MGRN1: variants seen among roughly 807,000 people sequenced by gnomAD.
MGRN1 encodes mahogunin ring finger 1.
A neutral mutation model predicts 69.2 loss-of-function variants in MGRN1; 29 were observed. The ratio of observed to expected loss-of-function variants is 0.42; its 90% CI spans 0.31 to 0.57. MGRN1 has a LOEUF of 0.57. Among genes scored for constraint, MGRN1 ranks in the 20% least tolerant of loss-of-function variants. The probability of loss-of-function intolerance (pLI) is 0.15; values close to 1 mark genes in which losing one functional copy is unlikely to be tolerated. For synonymous variants in MGRN1, 470 were observed against 344.2 expected (o/e 1.37, Z -4.04); for missense variants, 998 against 796.2 (o/e 1.25, Z -3.05).
At chr16:4,683,087 A>G in intron 14 of MGRN1, 137 bp from the exon 15 acceptor site, 8 of 1,501,022 alleles carry the variant, frequency 5.3e-6, no homozygotes, top group Non-Finnish European at 7.2e-6. Flanking sequence ...GCGGCTCCTT[A>G]GCCTCGGTCT....
intron 7 of MGRN1, among the ~76,000 whole-genome samples, chr16:4,666,528 C>T (rs765221944): frequency 2.6e-5 from 4 of 152,216 alleles, no homozygotes; most frequent in South Asian, 2.1e-4. Flanking sequence ...TGCCATGCCA[C>T]GGGCTGGGGC....
intron 10 of MGRN1, among the ~76,000 whole-genome samples, chr16:4,674,606 T>C (rs1040852321): frequency 2.9e-4 from 39 of 133,580 alleles, no homozygotes; most frequent in African/African-American, 8.0e-4. Context: ...CTTTTCTTTT[T>C]TTTTCTTTTC....
At chr16:4,652,360 GC>G (rs879654986) in intron 3 of MGRN1, among the ~76,000 whole-genome samples, 1 of 151,944 alleles carries the variant, frequency 6.6e-6, no homozygotes, top group Non-Finnish European at 1.5e-5. Flanking sequence ...GCACAGGACG[GC>G]CCCCCCACAG....
At chr16:4,652,217 T>C (rs1483395037) in intron 3 of MGRN1, among the ~76,000 whole-genome samples, 166 bp downstream of exon 3, 1 of 152,068 alleles carries the variant, frequency 6.6e-6, no homozygotes, top group Non-Finnish European at 1.5e-5. Flanking sequence ...GGAAAGGGCA[T>C]GTGGAACAAG....
intron 10 of MGRN1, among the ~76,000 whole-genome samples, chr16:4,675,329 T>C (rs538361030): frequency 6.6e-6 from 1 of 152,306 alleles, no homozygotes; most frequent in Admixed American, 6.5e-5. Flanking sequence ...CAGCCTGGTC[T>C]CGAACTCTTG....
intron 7 of MGRN1, 104 bp from the exon 8 acceptor site, chr16:4,668,161 G>A (rs2078847766): frequency 1.3e-6 from 1 of 749,320 alleles, no homozygotes; most frequent in African/African-American, 1.8e-5. Flanking sequence ...TCCAGCTGTG[G>A]GCATGGATTG....
At chr16:4,635,251 A>C (rs1898220932) in intron 1 of MGRN1, among the ~76,000 whole-genome samples, 1 of 151,854 alleles carries the variant, frequency 6.6e-6, no homozygotes, top group African/African-American at 2.4e-5. Context: ...ATCTCTACTA[A>C]AAATCCAAAA....
At chr16:4,633,279 C>T (rs183697757) in intron 1 of MGRN1, among the ~76,000 whole-genome samples, 2 of 152,182 alleles carry the variant, frequency 1.3e-5, no homozygotes, top group African/African-American at 2.4e-5. Context: ...ATCCCAGCTA[C>T]TCAGGAGGCT....
At chr16:4,641,975 T>G (rs1489392352) in intron 1 of MGRN1, among the ~76,000 whole-genome samples, 1 of 152,022 alleles carries the variant, frequency 6.6e-6, no homozygotes, top group Non-Finnish European at 1.5e-5. Context: ...GTGAGGTGTT[T>G]CCAGTTCTTC....
intron 1 of MGRN1, among the ~76,000 whole-genome samples, chr16:4,628,388 A>G (rs1897808432): frequency 6.9e-6 from 1 of 145,710 alleles, no homozygotes; most frequent in African/African-American, 2.5e-5. Flanking sequence ...CTGTCTCCAA[A>G]AAAAAAAAAA....
Position 4,685,912 on chromosome 16 carries a change from T to G in MGRN1, c.1618+1980T>G, listed in dbSNP as rs562422888. The stretch of plus-strand genomic sequence containing the variant: ...ACTGGGGGCCCTGGTGTCTTGGACT[T>G]GGCCCTGAGCTCGGTCCTGTCTAGC... On this transcript the variant is annotated intron_variant, in intron 16 of 16. Coordinates refer to ENST00000262370, the MANE Select transcript of MGRN1 (RefSeq NM_015246.4). Among the ~76,000 whole-genome samples, 423 of 152,216 alleles carry G rather than the reference T, an allele frequency of 2.8e-3. 3 individuals carry two copies. The highest frequency in any genetic ancestry group is 4.9e-3 in the Non-Finnish European group (334 of 68,002).
At chr16:4,652,123 TGCTTGA>T in intron 3 of MGRN1, 72 bp downstream of exon 3, 2 of 1,485,494 alleles carry the variant, frequency 1.3e-6, no homozygotes, top group Non-Finnish European at 1.8e-6. Context: ...TCTGGCTTGA[TGCTTGA>T]GGAAAAGGGC....
At chr16:4,682,124 G>T (rs1019382245) in intron 13 of MGRN1, among the ~76,000 whole-genome samples, 11 of 152,210 alleles carry the variant, frequency 7.2e-5, no homozygotes, top group African/African-American at 2.4e-4. Flanking sequence ...GACTTCATTG[G>T]GGGGCTGGCC....
intron 8 of MGRN1, among the ~76,000 whole-genome samples, chr16:4,668,587 C>G: frequency 6.6e-6 from 1 of 151,096 alleles, no homozygotes; most frequent in East Asian, 1.9e-4. Flanking sequence ...ACAGACACGA[C>G]ACTCATACAC....
rs1044359132 is a variant in MGRN1, at chr16:4,689,007, C to T, written c.*99C>T. 8.0e-5 allele frequency: 114 copies of T among 1,419,770 alleles called. No individual in the cohort carries two copies. The highest frequency in any genetic ancestry group is 9.8e-5 in the Non-Finnish European group (106 of 1,078,796). 87.9% of individuals were successfully genotyped at this position (1,419,770 alleles called of 1,614,324 possible). A position where few individuals can be genotyped will look rare whatever the true frequency, so the allele number is the denominator to read the frequency against. On this transcript the variant is annotated 3_prime_UTR_variant, in exon 17 of 17. Coordinates refer to ENST00000262370, the MANE Select transcript of MGRN1 (RefSeq NM_015246.4). ...GTGAGCCGGCCTCCTGTCTGCATGCCCCCTGTGGCCACCAGGCTCCGAGGG... is the reference window on the plus strand; with the variant it reads ...GTGAGCCGGCCTCCTGTCTGCATGCTCCCTGTGGCCACCAGGCTCCGAGGG...
rs371660308 is a variant in MGRN1 at position 4,681,693 on chromosome 16, G to C, written c.1275G>C (p.Gln425His). Residue 425 changes from glutamine (Q) to histidine (H), a missense_variant, in exon 13 of 17, where the codon CAG (glutamine) becomes CAC (histidine). Physicochemically the swap from Gln to His is conservative, Grantham distance 24. Coordinates refer to ENST00000262370, the MANE Select transcript of MGRN1 (RefSeq NM_015246.4). Reference sequence around the variant, plus strand: ...CAGGCATCTCGGACGGCCTGTCCCAGGCCAGCTGTCCCCTCGCGGCTATCG... The same window carrying C: ...CAGGCATCTCGGACGGCCTGTCCCACGCCAGCTGTCCCCTCGCGGCTATCG... Reference protein sequence around the residue: ...TYSGISDGLSQASCPLAAIDH... With the variant: ...TYSGISDGLSHASCPLAAIDH... 1.2e-5 allele frequency: 20 copies of C among 1,613,316 alleles called. No homozygotes were observed. The highest frequency in any genetic ancestry group is 1.4e-5 in the Non-Finnish European group (16 of 1,180,010).
At position 4,668,677 on chromosome 16, in the gene MGRN1, T is replaced by A. The variant is rs371628759; in HGVS notation, c.726+365T>A. On this transcript the variant is annotated intron_variant, in intron 8 of 16. Transcript: ENST00000262370. ...ATATACTCAGTCACACACATATACATAGACACACTCGTACACATACACACA... is the reference window on the plus strand; with the variant it reads ...ATATACTCAGTCACACACATATACAAAGACACACTCGTACACATACACACA... 4.0e-5 allele frequency among the ~76,000 whole-genome samples: 6 copies of A among 151,612 alleles called. No individual in the cohort carries two copies. In the East Asian group the frequency reaches 1.2e-3, roughly 29 times the overall value.
intron 16 of MGRN1, 85 bp from the exon 17 acceptor site, chr16:4,688,711 C>T: frequency 1.4e-6 from 2 of 1,476,574 alleles, no homozygotes; most frequent in Non-Finnish European, 1.8e-6. Context: ...TGGCCCAGCC[C>T]CTCTGGGGCT....
chr16:4,650,124 G>A, intron 1 of MGRN1: 1 of 379,650 alleles, frequency 2.6e-6, no homozygotes, highest in East Asian at 6.2e-5. Context: ...CCAATATGGT[G>A]AAACCCCGTC....
Sources: allele counts gnomAD v4.1 joint callset (sites outside exome capture counted in the v4.1 genomes callset), GRCh38; gene constraint gnomAD v4.1.1; transcripts MANE v1.5; gene names NCBI Gene and HGNC (gene_info 2026-07-23, HGNC 2026-07-21).